Variants in CGNL1 observed in about 807,000 individuals in gnomAD.
CGNL1 encodes cingulin like 1, also known as cingulin-like protein 1.
CGNL1 carries 132 observed loss-of-function variants against 141.2 expected under a neutral mutation model. The ratio of observed to expected loss-of-function variants is 0.93; its 90% confidence interval spans 0.81 to 1.08. CGNL1 has a LOEUF of 1.08. Ranked by LOEUF, CGNL1 falls within the 50% of genes least tolerant of loss-of-function variation. CGNL1 has a pLI of 0.00. For missense variants in CGNL1, 1,870 were observed against 1,588.6 expected (o/e 1.18, Z -3.01); for synonymous variants, 690 against 622.1 (o/e 1.11, Z -1.63).
chr15:57,529,786 A>G (rs754620264), intron 13 of CGNL1, among the ~76,000 whole-genome samples: 3 of 152,252 alleles, frequency 2.0e-5, no homozygotes, highest in African/African-American at 7.2e-5. Flanking sequence ...TCCTGATTCA[A>G]CTTTGCAAAT....
intron 1 of CGNL1, among the ~76,000 whole-genome samples, chr15:57,424,757 T>C (rs1480881231): frequency 6.6e-6 from 1 of 152,186 alleles, no homozygotes; most frequent in African/African-American, 2.4e-5. Context: ...CATAGTTGTT[T>C]GAATAAAAAA....
At chr15:57,418,431 C>T (rs923931327) in intron 1 of CGNL1, among the ~76,000 whole-genome samples, 22 of 152,134 alleles carry the variant, frequency 1.4e-4, no homozygotes, top group Admixed American at 1.2e-3. Flanking sequence ...TTAATCAGTT[C>T]GGTTTTTCAT....
intron 17 of CGNL1, 72 bp downstream of exon 17, chr15:57,545,772 A>T: frequency 1.9e-5 from 24 of 1,261,488 alleles, no homozygotes; most frequent in Non-Finnish European, 2.4e-5. Flanking sequence ...AAGGGAGGCA[A>T]GGCCTCCCTG....
At chr15:57,467,530 G>A (rs1449185322) in intron 8 of CGNL1, among the ~76,000 whole-genome samples, 1 of 151,960 alleles carries the variant, frequency 6.6e-6, no homozygotes, top group Non-Finnish European at 1.5e-5. Flanking sequence ...TCCAATGAGT[G>A]GACCGTGCTC....
At chr15:57,388,707 C>T (rs2062510304) in intron 1 of CGNL1, among the ~76,000 whole-genome samples, 1 of 152,244 alleles carries the variant, frequency 6.6e-6, no homozygotes, top group African/African-American at 2.4e-5. Flanking sequence ...CTGAAGAAAA[C>T]ATGACTCGCA....
intron 8 of CGNL1, among the ~76,000 whole-genome samples, chr15:57,499,654 G>A (rs1033267967): frequency 1.1e-4 from 16 of 152,272 alleles, no homozygotes; most frequent in Admixed American, 5.2e-4. Context: ...TGACCGGGCC[G>A]CAAATCTTTT....
At chr15:57,386,204 G>T (rs1374572897) in intron 1 of CGNL1, among the ~76,000 whole-genome samples, 1 of 152,196 alleles carries the variant, frequency 6.6e-6, no homozygotes. Context: ...TAGCCTGTGG[G>T]GTGGTTAAAC....
chr15:57,464,906 C>T (rs983446463), intron 8 of CGNL1, among the ~76,000 whole-genome samples: 12 of 152,096 alleles, frequency 7.9e-5, no homozygotes, highest in Admixed American at 5.2e-4. Flanking sequence ...TGTGCCACCA[C>T]GCCTGGCTAG....
intron 8 of CGNL1, among the ~76,000 whole-genome samples, chr15:57,514,842 C>T (rs892363868): frequency 6.6e-6 from 1 of 152,126 alleles, no homozygotes; most frequent in Non-Finnish European, 1.5e-5. Context: ...GTAGTGGCAC[C>T]ATTTGTTGAA....
intron 14 of CGNL1, among the ~76,000 whole-genome samples, chr15:57,540,931 T>G (rs1330182652): frequency 3.9e-5 from 6 of 152,166 alleles, no homozygotes; most frequent in African/African-American, 1.4e-4. Context: ...ACAATGTGGG[T>G]TTTCCCCAGG....
intron 8 of CGNL1, among the ~76,000 whole-genome samples, chr15:57,514,553 G>A (rs12913924): frequency 0.16 from 24,859 of 151,824 alleles, 2,133 homozygotes; most frequent in South Asian, 0.26. Flanking sequence ...CATTCTGGTC[G>A]TTGTCTTTTG....
At chr15:57,456,522 A>G (rs1409551160) in intron 7 of CGNL1, among the ~76,000 whole-genome samples, 1 of 152,198 alleles carries the variant, frequency 6.6e-6, no homozygotes, top group Non-Finnish European at 1.5e-5. Context: ...CAGTTTAAAA[A>G]AAAAAAGAAG....
chr15:57,482,783 TTC>T (rs1479069696), intron 8 of CGNL1, among the ~76,000 whole-genome samples: 4 of 151,016 alleles, frequency 2.6e-5, no homozygotes, highest in Admixed American at 2.0e-4. Context: ...TTCTTTTCTT[TTC>T]TCTCTTTTTT....
At chr15:57,485,848 C>T (rs2063778659) in intron 8 of CGNL1, among the ~76,000 whole-genome samples, 1 of 152,176 alleles carries the variant, frequency 6.6e-6, no homozygotes, top group African/African-American at 2.4e-5. Flanking sequence ...TTGATGGCAG[C>T]AGCACAGCTC....
At chr15:57,477,120 C>T (rs941690410) in intron 8 of CGNL1, among the ~76,000 whole-genome samples, 3 of 151,978 alleles carry the variant, frequency 2.0e-5, no homozygotes, top group Non-Finnish European at 4.4e-5. Context: ...CATTGAGTCC[C>T]CTTACAGTTA....
chr15:57,445,113 T>G (rs1052283399), intron 4 of CGNL1, among the ~76,000 whole-genome samples: 1 of 151,962 alleles, frequency 6.6e-6, no homozygotes, highest in Non-Finnish European at 1.5e-5. Context: ...ATTAAAAAAT[T>G]AGCCAGGCGA....
At chr15:57,446,840 G>T (rs1046406962) in intron 4 of CGNL1, among the ~76,000 whole-genome samples, 3 of 152,062 alleles carry the variant, frequency 2.0e-5, no homozygotes, top group African/African-American at 7.2e-5. Flanking sequence ...GCCAGTTCCA[G>T]TGGCTATATA....
chr15:57,463,520 C>T (rs1595730531), intron 8 of CGNL1, among the ~76,000 whole-genome samples: 1 of 152,236 alleles, frequency 6.6e-6, no homozygotes, highest in African/African-American at 2.4e-5. Flanking sequence ...GGACAGTTTC[C>T]AGGCACCGGG....
At position 57,513,012 on chromosome 15, in the gene CGNL1, A is replaced by G. The variant is rs572356488; in HGVS notation, c.2404-3768A>G. On this transcript the variant is annotated intron_variant, in intron 8 of 18. Transcript: ENST00000281282. ...TATAGCATATAATTCATATAATTCA[A>G]CTATTGAAATTGTACAGTTCAGTGG... Among the ~76,000 whole-genome samples, 13 of 152,104 alleles carry G rather than the reference A, an allele frequency of 8.5e-5. 1 individual carries two copies. In the South Asian group the frequency reaches 2.5e-3, roughly 29 times the overall value.
Sources: allele counts gnomAD v4.1 joint callset (sites outside exome capture counted in the v4.1 genomes callset), GRCh38; gene constraint gnomAD v4.1.1; transcripts MANE v1.5; gene names NCBI Gene and HGNC (gene_info 2026-07-23, HGNC 2026-07-21).